The following MMUT variants were observed in gnomAD, a reference collection of about 807,000 sequenced individuals.
MMUT encodes the protein methylmalonyl-CoA mutase, mitochondrial.
Under a neutral mutation model 79.9 loss-of-function variants are expected in MMUT, and 79 were observed. The ratio of observed to expected loss-of-function variants is 0.99; its 90% CI spans 0.82 to 1.19. MMUT has a LOEUF of 1.19. Ranked by LOEUF, MMUT falls within the 50% of genes most tolerant of loss-of-function variation. The pLI, the probability that MMUT is intolerant of heterozygous loss-of-function variation, is 0.00. For missense variants in MMUT, 860 were observed against 917.2 expected (o/e 0.94, Z 0.81); for synonymous variants, 273 against 295.7 (o/e 0.92, Z 0.79).
rs864309733 is a variant in MMUT at position 49,457,923 on chromosome 6, A to G, written c.521T>C (p.Phe174Ser). ...IDTVEDTKILFDGIPLEKMSV... is the reference protein window; with the variant it reads ...IDTVEDTKILSDGIPLEKMSV... ...CATTTTTTCTAAAGGAATTCCATCA[A>G]AAAGAATTTTGGTATCTTCCACAGT... Residue 174 changes from phenylalanine (F) to serine (S), a missense_variant, in exon 3 of 13, where the codon TTT becomes TCT. By Grantham distance (155) the Phe-to-Ser change is radical. Coordinates refer to ENST00000274813, the MANE Select transcript of MMUT (RefSeq NM_000255.4). 1.9e-6 allele frequency: 3 copies of G among 1,613,622 alleles called. No individual in the cohort carries two copies. The highest frequency in any genetic ancestry group is 1.3e-5 in the African/African-American group (1 of 74,914).
In MMUT at chr6:49,458,099, G is replaced by A. The variant is rs79318772; in HGVS notation, c.386-41C>T. 1,924 of 1,583,878 alleles carry A rather than the reference G, an allele frequency of 1.2e-3. 12 individuals carry two copies. Among genetic ancestry groups the A allele is most frequent in the African/African-American group, 7.5e-3 (558 of 74,398 alleles). ...AAAATAATGTAAGATTCAAGAGTCT[G>A]GAATCAAGGTAAAATGATTTACTTT... On this transcript the variant is annotated intron_variant, in intron 2 of 12. Coordinates refer to ENST00000274813, the MANE Select transcript of MMUT (RefSeq NM_000255.4).
rs370357524 is a variant in MMUT, at chr6:49,435,452, A to G, written c.2124+4T>C. ...AGTACTAGAAAAATAGAGATAAAAA[A>G]TACCTGAGGTGGTATCACCCCTCCA... On this transcript the variant is annotated splice_donor_region_variant and intron_variant, in intron 12 of 12. Transcript: ENST00000274813. 1.0e-4 allele frequency: 164 copies of G among 1,612,566 alleles called. No individual in the cohort carries two copies. Among genetic ancestry groups the G allele is most frequent in the Non-Finnish European group, 1.4e-4 (161 of 1,178,684 alleles).
chr6:49,433,749 AT>A (rs1174061834), intron 12 of MMUT, among the ~76,000 whole-genome samples: 3 of 152,224 alleles, frequency 2.0e-5, no homozygotes, highest in Admixed American at 6.5e-5. Context: ...GCCACTAGAT[AT>A]TAGTGCCTTC....
chr6:49,445,878 TC>T (rs989393391), intron 8 of MMUT, among the ~76,000 whole-genome samples: 1 of 152,006 alleles, frequency 6.6e-6, no homozygotes, highest in Non-Finnish European at 1.5e-5. Flanking sequence ...TTTTTCTTTA[TC>T]TTTTATTGGA....
chr6:49,449,531 C>A (rs1187333036), intron 6 of MMUT, among the ~76,000 whole-genome samples: 1 of 152,090 alleles, frequency 6.6e-6, no homozygotes, highest in African/African-American at 2.4e-5. Context: ...TGCAACCACC[C>A]CTCTCTCATT....
intron 12 of MMUT, among the ~76,000 whole-genome samples, chr6:49,435,201 G>A (rs1036017677): frequency 1.3e-5 from 2 of 152,178 alleles, no homozygotes; most frequent in Non-Finnish European, 2.9e-5. Context: ...ATCTAGCATA[G>A]GTTACTGGTT....
At chr6:49,449,838 G>A (rs951549081) in intron 6 of MMUT, among the ~76,000 whole-genome samples, 8 of 152,022 alleles carry the variant, frequency 5.3e-5, no homozygotes, top group Middle Eastern at 3.4e-3. Context: ...TGAGCTCTAC[G>A]AATCAAAAAT....
At chr6:49,453,039 G>GT (rs5876116) in intron 5 of MMUT, among the ~76,000 whole-genome samples, 47,682 of 115,932 alleles carry the variant, frequency 0.41, 9,594 homozygotes, top group Admixed American at 0.54. Context: ...TTCTTTCTTT[G>GT]TTTTTTTTTT....
chr6:49,431,436 T>C lies in MMUT; in HGVS notation c.*292A>G, dbSNP rs1406424594. The C allele has an allele frequency of 2.9e-5, 6 of 206,306 alleles. No individual in the cohort carries two copies. The highest frequency in any genetic ancestry group is 4.9e-5 in the Non-Finnish European group (5 of 101,496). 12.8% of individuals were successfully genotyped at this position (206,306 alleles called of 1,614,324 possible). A position where few individuals can be genotyped will look rare whatever the true frequency, so the allele number is the denominator to read the frequency against. ...AACAGATTTATAAGAAACATTCTAA[T>C]AAATACATCACCATGATTTTTAAAA... On this transcript the variant is annotated 3_prime_UTR_variant, in exon 13 of 13. Transcript: ENST00000274813.
At position 49,454,568 on chromosome 6, in the gene MMUT, G is replaced by A. The variant is rs539583241; in HGVS notation, c.912-812C>T. Reference sequence around the variant, plus strand: ...TGTGATCTGTCCGCCTCGGTCACCCGAAGCACTGGGATTACAGGCATGAGC... The same window carrying A: ...TGTGATCTGTCCGCCTCGGTCACCCAAAGCACTGGGATTACAGGCATGAGC... On this transcript the variant is annotated intron_variant, in intron 4 of 12. Coordinates refer to ENST00000274813, the MANE Select transcript of MMUT (RefSeq NM_000255.4). 1.7e-4 allele frequency among the ~76,000 whole-genome samples: 26 copies of A among 152,246 alleles called. No homozygotes were observed. In the East Asian group the frequency reaches 3.5e-3, roughly 20 times the overall value.
intron 1 of MMUT, among the ~76,000 whole-genome samples, chr6:49,461,489 C>T (rs375425906): frequency 2.0e-5 from 3 of 152,128 alleles, no homozygotes; most frequent in African/African-American, 7.2e-5. Context: ...ACAAAAAAGG[C>T]TGGGCATGGT....
chr6:49,437,926 C>T (rs1049144738), intron 11 of MMUT, among the ~76,000 whole-genome samples: 1 of 151,866 alleles, frequency 6.6e-6, no homozygotes, highest in African/African-American at 2.4e-5. Context: ...AAGTGAGGTG[C>T]CCTCTTTGTC....
chr6:49,432,898 T>C (rs1767023876), intron 12 of MMUT, among the ~76,000 whole-genome samples: 1 of 152,194 alleles, frequency 6.6e-6, no homozygotes, highest in African/African-American at 2.4e-5. Context: ...AGCACCCTTT[T>C]TAAGAGCACC....
At chr6:49,437,444 A>C (rs1242522979) in intron 11 of MMUT, among the ~76,000 whole-genome samples, 2 of 152,198 alleles carry the variant, frequency 1.3e-5, no homozygotes, top group Non-Finnish European at 2.9e-5. Flanking sequence ...AGCAGATAAT[A>C]AAATATATAA....
rs761525156 is a variant in MMUT at position 49,447,699 on chromosome 6, G to T, written c.1531C>A (p.Arg511=). The T allele has an allele frequency of 6.2e-7, 1 of 1,606,044 alleles. No homozygotes were observed. The highest frequency in any genetic ancestry group is 1.1e-5 in the South Asian group (1 of 90,856). ...EVLAIDNTSV[R]NRQIEKLKKI... ...TTAAGTTTTTCAATCTGCCTGTTTC[G>T]CACTGAAGTATTATCAATTGCCAGA... Residue 511 remains arginine (R), a synonymous_variant, in exon 8 of 13, where the codon CGA becomes AGA. Coordinates refer to ENST00000274813, the MANE Select transcript of MMUT (RefSeq NM_000255.4).
At position 49,457,861 on chromosome 6, in the gene MMUT, C is replaced by T; in HGVS notation, c.583G>A (p.Val195Ile). The change falls in exon 3 of 13, where the codon GTT (valine) becomes ATT (isoleucine). Residue 195 changes from valine (V) to isoleucine (I), a missense_variant. Physicochemically the swap from Val to Ile is conservative, Grantham distance 29 (BLOSUM62 3). Coordinates refer to ENST00000274813, the MANE Select transcript of MMUT (RefSeq NM_000255.4). ...SMTMNGAVIP[V>I]LANFIVTGEE... ...CCAGTTACTATAAAATTTGCAAGAACTGGAATAACTGCTCCATTCATAGTC... is the reference window on the plus strand; with the variant it reads ...CCAGTTACTATAAAATTTGCAAGAATTGGAATAACTGCTCCATTCATAGTC... The T allele has an allele frequency of 6.2e-7, 1 of 1,613,852 alleles. No individual in the cohort carries two copies. Among genetic ancestry groups the T allele is most frequent in the Non-Finnish European group, 8.5e-7 (1 of 1,179,804 alleles).
At chr6:49,440,466 T>G in intron 10 of MMUT, 113 bp from the exon 11 acceptor site, 2 of 1,145,126 alleles carry the variant, frequency 1.7e-6, no homozygotes, top group Non-Finnish European at 2.5e-6. Context: ...AGCACCTAAT[T>G]TGTTTACTTG....
intron 4 of MMUT, among the ~76,000 whole-genome samples, chr6:49,454,165 T>C (rs372586264): frequency 7.6e-4 from 116 of 152,318 alleles, no homozygotes; most frequent in African/African-American, 2.7e-3. Flanking sequence ...AAAAGAATGA[T>C]TGTGCATTGG....
At chr6:49,446,965 T>C (rs1352463529) in intron 8 of MMUT, among the ~76,000 whole-genome samples, 1 of 151,842 alleles carries the variant, frequency 6.6e-6, no homozygotes, top group Non-Finnish European at 1.5e-5. Context: ...CAGCAGTACT[T>C]ACAAATGCCA....
Sources: allele counts gnomAD v4.1 joint callset (sites outside exome capture counted in the v4.1 genomes callset), GRCh38; gene constraint gnomAD v4.1.1; transcripts MANE v1.5; gene names NCBI Gene and HGNC (gene_info 2026-07-23, HGNC 2026-07-21).